CRACDL: variants seen among roughly 807,000 people sequenced by gnomAD.
CRACDL encodes the protein CRACD-like protein.
A neutral mutation model predicts 70.6 loss-of-function variants in CRACDL; 26 were observed. The ratio of observed to expected loss-of-function variants is 0.37; its 90% confidence interval spans 0.27 to 0.51. The LOEUF (loss-of-function observed/expected upper bound fraction) is 0.51, where lower values mean the gene tolerates loss of function less well. CRACDL is among the 20% of genes least tolerant of loss of function. The pLI is 0.94. For missense variants in CRACDL, 1,283 were observed against 1,376.9 expected (o/e 0.93, Z 1.08); for synonymous variants, 618 against 615.2 (o/e 1.00, Z -0.07).
intron 7 of CRACDL, among the ~76,000 whole-genome samples, chr2:98,804,983 G>A (rs1704226022): frequency 6.6e-6 from 1 of 152,174 alleles, no homozygotes; most frequent in African/African-American, 2.4e-5. Flanking sequence ...CTAGGTGCCA[G>A]GCCCTGGGGA....
rs187096851 is a variant in CRACDL, at chr2:98,872,196, A to G, written c.-10-25386T>C. ...CAGCCTGGCCAACACCGTCTCCACT[A>G]AAAATACAAAAATTAGCCGGGCGTG... On this transcript the variant is annotated intron_variant, in intron 1 of 9. Transcript: ENST00000397899. Among the ~76,000 whole-genome samples, 5 of 152,102 alleles carry G rather than the reference A, an allele frequency of 3.3e-5. No individual in the cohort carries two copies. The East Asian group carries it at 7.7e-4, about 24-fold the overall frequency.
Position 98,823,100 on chromosome 2 carries a change from C to T in CRACDL, c.1173G>A (p.Val391=). The T allele has an allele frequency of 1.3e-6, 2 of 1,579,730 alleles. No individual in the cohort carries two copies. Among genetic ancestry groups the T allele is most frequent in the Non-Finnish European group, 1.7e-6 (2 of 1,166,054 alleles). ...TCGCGACGTCTTCGGGAGCACAGAC[C>T]ACCTCCTCCGCCTTGTCCGTGGCCG... ...CAPATDKAEE[V]VCAPEDVASP... is the part of the protein sequence containing the mutation. Residue 391 remains valine, a synonymous_variant, in exon 7 of 10, where the codon GTG becomes GTA. Transcript: ENST00000397899. This position sits in a 1 kb window ranked among gnomAD's most constrained non-coding sequence, Gnocchi z 4.0.
At chr2:98,895,016 T>C (rs991043407) in intron 1 of CRACDL, among the ~76,000 whole-genome samples, 1 of 152,098 alleles carries the variant, frequency 6.6e-6, no homozygotes, top group Non-Finnish European at 1.5e-5. Flanking sequence ...GAGGCTGAGG[T>C]TGGAGGATCA....
At chr2:98,878,468 G>A (rs180770542) in intron 1 of CRACDL, among the ~76,000 whole-genome samples, 1 of 152,298 alleles carries the variant, frequency 6.6e-6, no homozygotes, top group Admixed American at 6.5e-5. Flanking sequence ...CTGCATAGTA[G>A]GCTATACCAT....
intron 1 of CRACDL, among the ~76,000 whole-genome samples, chr2:98,932,031 T>C (rs1709091279): frequency 6.6e-6 from 1 of 152,264 alleles, no homozygotes; most frequent in Admixed American, 6.5e-5. Context: ...GAAGTTATTT[T>C]CCAGACACAG....
rs538532124 is a variant in CRACDL at position 98,881,455 on chromosome 2, C to G, written c.-10-34645G>C. 1.2e-4 allele frequency among the ~76,000 whole-genome samples: 18 copies of G among 152,328 alleles called. No individual in the cohort carries two copies. The South Asian group carries it at 3.7e-3, about 32-fold the overall frequency. ...CAACCCCAGCTGCACATCAGAATTG[C>G]CTGGGAGCTCTGACAAATCCTGACA... is the stretch of plus-strand genomic sequence containing the variant. On this transcript the variant is annotated intron_variant, in intron 1 of 9. Coordinates refer to ENST00000397899, the MANE Select transcript of CRACDL (RefSeq NM_207362.3).
chr2:98,816,548 C>T (rs1704791140), intron 7 of CRACDL, among the ~76,000 whole-genome samples: 1 of 152,138 alleles, frequency 6.6e-6, no homozygotes, highest in African/African-American at 2.4e-5. Flanking sequence ...GTCAGGGCTG[C>T]TCATCAGATG....
intron 1 of CRACDL, among the ~76,000 whole-genome samples, chr2:98,877,316 T>C (rs79184161): frequency 0.022 from 3,327 of 152,334 alleles, 126 homozygotes; most frequent in African/African-American, 0.075. Flanking sequence ...CATTCTATTA[T>C]GGTCATGCAC....
intron 1 of CRACDL, among the ~76,000 whole-genome samples, chr2:98,901,071 G>A (rs966931705): frequency 1.3e-5 from 2 of 152,176 alleles, no homozygotes; most frequent in Non-Finnish European, 2.9e-5. Context: ...GTAAAAGCAC[G>A]TGGCTCTGCC....
At chr2:98,874,479 A>C (rs1379281595) in intron 1 of CRACDL, among the ~76,000 whole-genome samples, 1 of 152,146 alleles carries the variant, frequency 6.6e-6, no homozygotes, top group African/African-American at 2.4e-5. Context: ...GAATCATTGC[A>C]CCTTGCGCCT....
At chr2:98,800,970 T>A (rs10182043) in intron 7 of CRACDL, among the ~76,000 whole-genome samples, 2 of 151,990 alleles carry the variant, frequency 1.3e-5, no homozygotes, top group African/African-American at 4.8e-5. Context: ...TGTGTTCACA[T>A]GCAGACCCAC....
chr2:98,882,864 G>A (rs1477263734), intron 1 of CRACDL, among the ~76,000 whole-genome samples: 1 of 152,218 alleles, frequency 6.6e-6, no homozygotes, highest in Non-Finnish European at 1.5e-5. Context: ...CAATCTCTAA[G>A]GCAGGTATCA....
chr2:98,914,044 G>A (rs925635932), intron 1 of CRACDL, among the ~76,000 whole-genome samples: 2 of 152,252 alleles, frequency 1.3e-5, no homozygotes, highest in African/African-American at 4.8e-5. Context: ...GAAAGGCTAA[G>A]CAATCACCTC....
chr2:98,869,038 C>A (rs540840193), intron 1 of CRACDL: 44 of 1,268,972 alleles, frequency 3.5e-5, no homozygotes, highest in East Asian at 5.6e-5. Context: ...CCCTCCCTCG[C>A]GACTCTCCCC....
chr2:98,905,317 G>A (rs981581618), intron 1 of CRACDL, among the ~76,000 whole-genome samples: 59 of 151,034 alleles, frequency 3.9e-4, no homozygotes, highest in African/African-American at 1.3e-3. Flanking sequence ...CTTGCCATGC[G>A]ACATGCTGAC....
chr2:98,882,231 C>T (rs1196709928), intron 1 of CRACDL, among the ~76,000 whole-genome samples: 1 of 152,240 alleles, frequency 6.6e-6, no homozygotes, highest in Non-Finnish European at 1.5e-5. Context: ...CAGGGCACTA[C>T]TGAACAGAGG....
chr2:98,830,208 T>C (rs1705482423), intron 5 of CRACDL, among the ~76,000 whole-genome samples: 1 of 152,268 alleles, frequency 6.6e-6, no homozygotes. Flanking sequence ...CTTTCATCAG[T>C]TGTTATCACA....
At chr2:98,875,540 CAG>C (rs1707467293) in intron 1 of CRACDL, among the ~76,000 whole-genome samples, 1 of 145,702 alleles carries the variant, frequency 6.9e-6, no homozygotes, top group African/African-American at 2.6e-5. Flanking sequence ...AGTTGACAGA[CAG>C]CAAGAGAGAA....
At chr2:98,862,846 G>A (rs1706990812) in intron 1 of CRACDL, among the ~76,000 whole-genome samples, 1 of 152,116 alleles carries the variant, frequency 6.6e-6, no homozygotes, top group South Asian at 2.1e-4. Flanking sequence ...AGAGAAGAGA[G>A]AGAGAAATGG....
Sources: allele counts gnomAD v4.1 joint callset (sites outside exome capture counted in the v4.1 genomes callset), GRCh38; gene constraint gnomAD v4.1.1; non-coding constraint Gnocchi (gnomAD v3.1); transcripts MANE v1.5; gene names NCBI Gene and HGNC (gene_info 2026-07-23, HGNC 2026-07-21).